The following SMARCE1 variants were observed in gnomAD, a reference collection of about 807,000 sequenced individuals.
SMARCE1 encodes SWI/SNF-related matrix-associated actin-dependent regulator of chromatin subfamily E member 1.
Under a neutral mutation model 54.9 loss-of-function variants are expected in SMARCE1, and 13 were observed. The ratio of observed to expected loss-of-function variants is 0.24; its 90% CI spans 0.15 to 0.38. The LOEUF (loss-of-function observed/expected upper bound fraction) is 0.38, where lower values mean the gene tolerates loss of function less well. Among genes scored for constraint, SMARCE1 ranks in the 10% least tolerant of loss-of-function variants. The probability of loss-of-function intolerance (pLI) is 1.00; values close to 1 mark genes in which losing one functional copy is unlikely to be tolerated. For missense variants in SMARCE1, 295 were observed against 523.8 expected (o/e 0.56, Z 4.26); for synonymous variants, 151 against 175.3 (o/e 0.86, Z 1.10).
rs1159069798 is a variant in SMARCE1 at position 40,625,668 on chromosome 17, A to G, written c.*3117T>C. The G allele has an allele frequency of 1.3e-5, 2 of 152,210 alleles. No individual in the cohort carries two copies. Among genetic ancestry groups the G allele is most frequent in the Non-Finnish European group, 2.9e-5 (2 of 68,040 alleles). 9.4% of individuals were successfully genotyped at this position (152,210 alleles called of 1,614,324 possible). The stretch of plus-strand genomic sequence containing the variant: ...TCTAAAATCCAAAACTAGTATCTAA[A>G]TGTGTAGGATCAAAACCAAAAATCT... On this transcript the variant is annotated 3_prime_UTR_variant, in exon 11 of 11. Coordinates refer to ENST00000348513, the MANE Select transcript of SMARCE1 (RefSeq NM_003079.5).
chr17:40,645,444 T>C, intron 3 of SMARCE1, 132 bp downstream of exon 3: 2 of 186,662 alleles, frequency 1.1e-5, no homozygotes, highest in Admixed American at 6.5e-5. Flanking sequence ...TAGGAAGTGC[T>C]TTTTTTTTTT....
intron 5 of SMARCE1, 22 bp from the exon 6 acceptor site, chr17:40,636,548 A>G: frequency 5.0e-6 from 8 of 1,594,158 alleles, no homozygotes; most frequent in Non-Finnish European, 6.0e-6. Flanking sequence ...AACAGATGAA[A>G]TGTTAATACT....
rs1173184869 is a variant in SMARCE1 at position 40,626,808 on chromosome 17, A to T, written c.*1977T>A. 1.5e-5 allele frequency: 2 copies of T among 131,188 alleles called. No homozygotes were observed. The highest frequency in any genetic ancestry group is 3.2e-5 in the Non-Finnish European group (2 of 63,268). The allele number at this position is 131,188 out of a possible 1,614,324, so 8.1% of individuals were successfully genotyped here. ...AGAATTGCTTGAACCTGGGAGGTGG[A>T]GGTTGCAGTGAGCTGAGATCGCCAC... On this transcript the variant is annotated 3_prime_UTR_variant, in exon 11 of 11. Coordinates refer to ENST00000348513, the MANE Select transcript of SMARCE1 (RefSeq NM_003079.5).
chr17:40,630,502 CAATT>C (rs1422243093), intron 10 of SMARCE1: 31 of 627,198 alleles, frequency 4.9e-5, no homozygotes, highest in South Asian at 1.4e-4. Flanking sequence ...ACACCAAAGA[CAATT>C]AATCTTAACG....
chr17:40,626,707 A>G lies in SMARCE1; in HGVS notation c.*2078T>C, dbSNP rs2037038792. 1 of 152,014 alleles carries G rather than the reference A, an allele frequency of 6.6e-6. No individual in the cohort carries two copies. The highest frequency in any genetic ancestry group is 2.1e-4 in the South Asian group (1 of 4,810). The allele number at this position is 152,014 out of a possible 1,614,324, so 9.4% of individuals were successfully genotyped here. ...GCTAACATGGTGAAACCCCATCTCTACTAAAAAATACAAAAATTAACCGGG... is the reference window on the plus strand; with the variant it reads ...GCTAACATGGTGAAACCCCATCTCTGCTAAAAAATACAAAAATTAACCGGG... On this transcript the variant is annotated 3_prime_UTR_variant, in exon 11 of 11. Coordinates refer to ENST00000348513, the MANE Select transcript of SMARCE1 (RefSeq NM_003079.5).
Position 40,628,239 on chromosome 17 carries a change from T to G in SMARCE1, c.*546A>C, listed in dbSNP as rs1376671063. ...TATTTCTGGATCAGTAAGATCCAAG[T>G]GTAGTTAGTTACACACTACACTCAG... On this transcript the variant is annotated 3_prime_UTR_variant, in exon 11 of 11. Coordinates refer to ENST00000348513, the MANE Select transcript of SMARCE1 (RefSeq NM_003079.5). 1 of 154,040 alleles carries G rather than the reference T, an allele frequency of 6.5e-6. No homozygotes were observed. 9.5% of individuals were successfully genotyped at this position (154,040 alleles called of 1,614,324 possible).
At chr17:40,645,886 A>C in intron 1 of SMARCE1, 39 bp from the exon 2 acceptor site, 1 of 642,222 alleles carries the variant, frequency 1.6e-6, no homozygotes, top group Non-Finnish European at 2.4e-6. Context: ...AGAGAATCAA[A>C]ACTCAGCAAG....
chr17:40,636,110 T>G lies in SMARCE1; in HGVS notation c.370-8A>C, dbSNP rs368298445. The G allele has an allele frequency of 6.3e-7, 1 of 1,587,776 alleles. No individual in the cohort carries two copies. The highest frequency in any genetic ancestry group is 1.4e-5 in the African/African-American group (1 of 73,400). On this transcript the variant is annotated splice_region_variant and splice_polypyrimidine_tract_variant and intron_variant, in intron 6 of 10. Coordinates refer to ENST00000348513, the MANE Select transcript of SMARCE1 (RefSeq NM_003079.5). Reference sequence around the variant, plus strand: ...AGATTCATTGTACTCTATCTGAAATTCAAATGTTTTTTGGTTTTATAATTA... The same window carrying G: ...AGATTCATTGTACTCTATCTGAAATGCAAATGTTTTTTGGTTTTATAATTA...
chr17:40,628,838 T>C lies in SMARCE1; in HGVS notation c.1183A>G (p.Thr395Ala), dbSNP rs1208733370. 4.3e-6 allele frequency: 7 copies of C among 1,613,800 alleles called. No homozygotes were observed. In the South Asian group the frequency reaches 5.5e-5, roughly 13 times the overall value. The change falls in exon 11 of 11, where the codon ACA becomes GCA. Residue 395 changes from threonine (T) to alanine (A), a missense_variant. Transcript: ENST00000348513. ...SNTGSESNSA[T>A]VEEPPTDPIP... ...GGATCTGTTGGTGGCTCCTCCACTG[T>C]TGCACTGTTGCTCTCCGAGCCAGTG...
chr17:40,626,859 ATTG>A lies in SMARCE1; in HGVS notation c.*1923_*1925del, dbSNP rs1201795595. On this transcript the variant is annotated 3_prime_UTR_variant, in exon 11 of 11. Transcript: ENST00000348513. ...CACTGCACTCCAACCTGGGCGACAG[ATTG>A]AGACGTCTCCCATCTGACTTAATTC... 2.2e-4 allele frequency: 33 copies of A among 151,896 alleles called. No individual in the cohort carries two copies. Among genetic ancestry groups the A allele is most frequent in the Non-Finnish European group, 1.5e-5 (1 of 68,062 alleles). 9.4% of individuals were successfully genotyped at this position (151,896 alleles called of 1,614,324 possible). A position where few individuals can be genotyped will look rare whatever the true frequency, so the allele number is the denominator to read the frequency against.
intron 5 of SMARCE1, 85 bp downstream of exon 5, chr17:40,637,407 T>C: frequency 9.1e-7 from 1 of 1,094,360 alleles, no homozygotes; most frequent in Non-Finnish European, 1.4e-6. Flanking sequence ...ACAGAAAAGC[T>C]GGCTAAGCCG....
intron 1 of SMARCE1, 148 bp downstream of exon 1, chr17:40,647,625 G>A (rs1459649363): frequency 1.3e-5 from 2 of 152,766 alleles, no homozygotes; most frequent in Non-Finnish European, 1.5e-5. Flanking sequence ...CGCTCTGCTA[G>A]GCCTCAAGGA....
In SMARCE1 at chr17:40,639,819, A is replaced by G. The variant is rs34868734; in HGVS notation, c.157-2247T>C. Among the ~76,000 whole-genome samples, 518 of 152,294 alleles carry G rather than the reference A, an allele frequency of 3.4e-3. 5 individuals carry two copies. The highest frequency in any genetic ancestry group is 0.011 in the African/African-American group (477 of 41,550). On this transcript the variant is annotated intron_variant, in intron 4 of 10. Coordinates refer to ENST00000348513, the MANE Select transcript of SMARCE1 (RefSeq NM_003079.5). ...TGAACATACTTTAGACCCTTTCTGG[A>G]TAAGATTCAATTAGAAACAACCACT...
chr17:40,645,985 T>A, intron 1 of SMARCE1, 138 bp from the exon 2 acceptor site: 1 of 394,212 alleles, frequency 2.5e-6, no homozygotes, highest in Non-Finnish European at 4.6e-6. Flanking sequence ...TAATTAAGCC[T>A]TTTGTGTATT....
At chr17:40,646,605 G>C (rs1290952465) in intron 1 of SMARCE1, among the ~76,000 whole-genome samples, 1 of 152,098 alleles carries the variant, frequency 6.6e-6, no homozygotes, top group African/African-American at 2.4e-5. Context: ...ACCATGTCAG[G>C]ACCTAGCTCA....
In SMARCE1 at chr17:40,636,105, G is replaced by A; in HGVS notation, c.370-3C>T. On this transcript the variant is annotated splice_region_variant and splice_polypyrimidine_tract_variant and intron_variant, in intron 6 of 10. Coordinates refer to ENST00000348513, the MANE Select transcript of SMARCE1 (RefSeq NM_003079.5). The stretch of plus-strand genomic sequence containing the variant: ...TTCATAGATTCATTGTACTCTATCT[G>A]AAATTCAAATGTTTTTTGGTTTTAT... 6.3e-7 allele frequency: 1 copy of A among 1,589,966 alleles called. No individual in the cohort carries two copies. Among genetic ancestry groups the A allele is most frequent in the Non-Finnish European group, 8.5e-7 (1 of 1,170,300 alleles).
intron 7 of SMARCE1, chr17:40,635,693 A>G (rs2037139868): frequency 3.1e-6 from 1 of 322,430 alleles, no homozygotes; most frequent in African/African-American, 2.1e-5. Flanking sequence ...TTTTGAGTAC[A>G]AAGATTTTGA....
At position 40,637,584 on chromosome 17, in the gene SMARCE1, T is replaced by C; in HGVS notation, c.157-12A>G. On this transcript the variant is annotated splice_polypyrimidine_tract_variant and intron_variant, in intron 4 of 10. Coordinates refer to ENST00000348513, the MANE Select transcript of SMARCE1 (RefSeq NM_003079.5). ...ATACCAGAGGATGCCTACGAAAGAG[T>C]TAAATACATTCATTATTCAACTGTA... 6.2e-7 allele frequency: 1 copy of C among 1,605,776 alleles called. No homozygotes were observed. Among genetic ancestry groups the C allele is most frequent in the Non-Finnish European group, 8.5e-7 (1 of 1,172,660 alleles).
rs1170602011 is a variant in SMARCE1 at position 40,626,251 on chromosome 17, G to A, written c.*2534C>T. The A allele has an allele frequency of 3.3e-5, 5 of 151,928 alleles. No individual in the cohort carries two copies. The highest frequency in any genetic ancestry group is 9.7e-5 in the African/African-American group (4 of 41,358). 9.4% of individuals were successfully genotyped at this position (151,928 alleles called of 1,614,324 possible). On this transcript the variant is annotated 3_prime_UTR_variant, in exon 11 of 11. Transcript: ENST00000348513. ...AAAAAAGGAAAATTGGGTGACTATC[G>A]AGGATTCCCCTCTCCCATTTGTTAA...
Sources: allele counts gnomAD v4.1 joint callset (sites outside exome capture counted in the v4.1 genomes callset), GRCh38; gene constraint gnomAD v4.1.1; transcripts MANE v1.5; gene names NCBI Gene and HGNC (gene_info 2026-07-23, HGNC 2026-07-21).